Variants in PCDHA6 observed in about 807,000 individuals in gnomAD.
PCDHA6 encodes protocadherin alpha-6.
In PCDHA6, 55 loss-of-function variants were observed where a neutral mutation model predicts 60.3. The ratio of observed to expected loss-of-function variants is 0.91; its 90% CI spans 0.73 to 1.14. PCDHA6 has a LOEUF of 1.14. PCDHA6 is among the 50% of genes most tolerant of loss of function. The probability of loss-of-function intolerance (pLI) is 0.00; values close to 1 mark genes in which losing one functional copy is unlikely to be tolerated. For missense variants in PCDHA6, 1,327 were observed against 1,256.5 expected (o/e 1.06, Z -0.85); for synonymous variants, 652 against 557.9 (o/e 1.17, Z -2.38).
At chr5:140,897,841 C>G (rs1272606504) in intron 1 of PCDHA6, among the ~76,000 whole-genome samples, 2 of 152,282 alleles carry the variant, frequency 1.3e-5, no homozygotes, top group South Asian at 2.1e-4. Flanking sequence ...CACATCCTCT[C>G]CAGCACCTGT....
intron 1 of PCDHA6, chr5:140,926,329 A>G (rs1435633972): frequency 6.6e-6 from 1 of 152,150 alleles, no homozygotes; most frequent in Non-Finnish European, 1.5e-5. Flanking sequence ...CCGGGGTCAG[A>G]GCGCCGGGAC....
chr5:140,975,201 A>G (rs1253516142), intron 1 of PCDHA6, among the ~76,000 whole-genome samples: 1 of 152,144 alleles, frequency 6.6e-6, no homozygotes, highest in Non-Finnish European at 1.5e-5. Context: ...CTCCATCTTC[A>G]TGGCTGGCAC....
chr5:140,869,180 T>C (rs782798909), intron 1 of PCDHA6: 1 of 1,613,322 alleles, frequency 6.2e-7, no homozygotes, highest in Admixed American at 1.7e-5. Flanking sequence ...TTCTGGGAGG[T>C]GGGGAGCGGC....
In PCDHA6 at chr5:141,010,583, G is replaced by A. The variant is rs1186884021; in HGVS notation, c.*646G>A. The A allele has an allele frequency of 4.1e-5, 10 of 242,992 alleles. No individual in the cohort carries two copies. The highest frequency in any genetic ancestry group is 3.6e-4 in the Admixed American group (7 of 19,606). 15.1% of individuals were successfully genotyped at this position (242,992 alleles called of 1,614,324 possible). A position where few individuals can be genotyped will look rare whatever the true frequency, so the allele number is the denominator to read the frequency against. The stretch of plus-strand genomic sequence containing the variant: ...TGACAAGGCTTTAGGAGACCCTAAA[G>A]TCTGTTGGCTGTGACGTCATTATAC... On this transcript the variant is annotated 3_prime_UTR_variant, in exon 4 of 4. Coordinates refer to ENST00000529310, the MANE Select transcript of PCDHA6 (RefSeq NM_018909.4).
At chr5:140,857,263 A>C (rs367883816) in intron 1 of PCDHA6, 1 of 1,598,420 alleles carries the variant, frequency 6.3e-7, no homozygotes, top group East Asian at 2.2e-5. Context: ...ATTACTACTC[A>C]TTGGTGCTGG....
intron 3 of PCDHA6, among the ~76,000 whole-genome samples, chr5:140,984,922 C>T (rs2097125803): frequency 6.6e-6 from 1 of 152,074 alleles, no homozygotes; most frequent in Non-Finnish European, 1.5e-5. Flanking sequence ...TAGTGCTTGA[C>T]ATATAGTTAA....
intron 1 of PCDHA6, chr5:140,966,244 G>C (rs1302762597): frequency 3.2e-6 from 1 of 315,708 alleles, no homozygotes; most frequent in Non-Finnish European, 5.7e-6. Context: ...CGTTAAGCAG[G>C]GGAGAGACGG....
chr5:141,003,453 A>T (rs2098125483), intron 3 of PCDHA6, among the ~76,000 whole-genome samples: 1 of 152,126 alleles, frequency 6.6e-6, no homozygotes, highest in East Asian at 1.9e-4. Flanking sequence ...ATGAAATTAC[A>T]GGCGTGCACC....
chr5:140,987,149 G>A (rs1380803903), intron 3 of PCDHA6, among the ~76,000 whole-genome samples: 1 of 151,884 alleles, frequency 6.6e-6, no homozygotes, highest in African/African-American at 2.4e-5. Context: ...GGGAGGTGGA[G>A]GTTGCAGTGA....
intron 1 of PCDHA6, chr5:140,851,076 A>G: frequency 7.5e-7 from 1 of 1,337,516 alleles, no homozygotes; most frequent in Non-Finnish European, 9.8e-7. Flanking sequence ...AGAATTATAA[A>G]CTGTATATTA....
At chr5:140,863,259 G>T in intron 1 of PCDHA6, 1 of 1,448,654 alleles carries the variant, frequency 6.9e-7, no homozygotes. Context: ...TCGAGGTCCG[G>T]GAGGCAGCGC....
intron 1 of PCDHA6, among the ~76,000 whole-genome samples, chr5:140,930,708 C>T (rs1554208021): frequency 2.0e-5 from 3 of 152,088 alleles, no homozygotes; most frequent in Admixed American, 2.0e-4. Flanking sequence ...AGTTATTCTT[C>T]CTCAAGTAAT....
At chr5:140,891,801 C>T (rs2063255606) in intron 1 of PCDHA6, among the ~76,000 whole-genome samples, 1 of 152,056 alleles carries the variant, frequency 6.6e-6, no homozygotes, top group Non-Finnish European at 1.5e-5. Context: ...AGGGATCTGC[C>T]CTCATGAATA....
chr5:140,863,936 G>A (rs1554158535), intron 1 of PCDHA6: 2 of 160,752 alleles, frequency 1.2e-5, no homozygotes, highest in African/African-American at 4.8e-5. Context: ...AGGAGGCAGA[G>A]GTTGCGGTGA....
intron 1 of PCDHA6, chr5:140,835,730 C>A: frequency 1.2e-6 from 2 of 1,613,804 alleles, no homozygotes; most frequent in South Asian, 1.1e-5. Context: ...CCGACGTGAA[C>A]GACAACGCCC....
chr5:140,994,209 A>G (rs2097604620), intron 3 of PCDHA6, among the ~76,000 whole-genome samples: 1 of 152,142 alleles, frequency 6.6e-6, no homozygotes, highest in Non-Finnish European at 1.5e-5. Flanking sequence ...CCAGAATGGG[A>G]CCCAGGGTCT....
chr5:140,834,445 T>C (rs1773005004), intron 1 of PCDHA6: 2 of 1,613,974 alleles, frequency 1.2e-6, no homozygotes, highest in African/African-American at 1.3e-5. Context: ...ATTATAATTC[T>C]AGCAGCTTGG....
At chr5:140,909,927 TCA>T (rs781847647) in intron 1 of PCDHA6, among the ~76,000 whole-genome samples, 6 of 152,150 alleles carry the variant, frequency 3.9e-5, no homozygotes, top group African/African-American at 9.7e-5. Flanking sequence ...CTTTCCCCAA[TCA>T]CAGTTACTCT....
intron 1 of PCDHA6, among the ~76,000 whole-genome samples, chr5:140,935,583 C>T (rs1182817725): frequency 1.3e-5 from 2 of 152,168 alleles, no homozygotes; most frequent in Admixed American, 6.5e-5. Flanking sequence ...AGTTAAGCCA[C>T]CAGCTAGATA....
Sources: allele counts gnomAD v4.1 joint callset (sites outside exome capture counted in the v4.1 genomes callset), GRCh38; gene constraint gnomAD v4.1.1; transcripts MANE v1.5; gene names NCBI Gene and HGNC (gene_info 2026-07-23, HGNC 2026-07-21).